Variants in OR1D2 observed in about 807,000 individuals in gnomAD.
OR1D2 encodes the protein olfactory receptor 1D2.
For missense variants in OR1D2, 357 were observed against 376.1 expected, an observed-to-expected ratio of 0.95 and a Z score of 0.42; for synonymous variants, 157 against 153.9, an observed-to-expected ratio of 1.02 and a Z score of -0.15.
intron 1 of OR1D2, among the ~76,000 whole-genome samples, chr17:3,099,357 G>T (rs2047864254): frequency 6.6e-6 from 1 of 152,142 alleles, no homozygotes; most frequent in South Asian, 2.1e-4. Context: ...ATAGAAGAGA[G>T]TGGGGGCCAA....
intron 1 of OR1D2, among the ~76,000 whole-genome samples, chr17:3,093,606 A>G (rs529950978): frequency 6.6e-6 from 1 of 152,308 alleles, no homozygotes; most frequent in South Asian, 2.1e-4. Flanking sequence ...GTGGGGGAAA[A>G]TTAAGTAGTA....
chr17:3,102,959 G>T (rs1046985968), intron 1 of OR1D2, among the ~76,000 whole-genome samples: 1 of 151,972 alleles, frequency 6.6e-6, no homozygotes, highest in Non-Finnish European at 1.5e-5. Context: ...ACCCCACTCT[G>T]TCTGTCCGGA....
In OR1D2 at chr17:3,092,691, G is replaced by T. The variant is rs140264769; in HGVS notation, c.306C>A (p.Tyr102Ter). The T allele has an allele frequency of 1.1e-5, 18 of 1,614,032 alleles. No individual in the cohort carries two copies. Among genetic ancestry groups the T allele is most frequent in the Non-Finnish European group, 1.4e-5 (16 of 1,180,036 alleles). Residue 102 changes from tyrosine (Y) to a stop codon, truncating the protein, a stop_gained, in exon 2 of 2, where the codon TAC becomes TAA. Transcript: ENST00000641833. LOFTEE classifies it low-confidence loss of function (END_TRUNC). Reference protein sequence around the residue: ...ISYAGCLTQLYFLVSLVALDN... With the variant: ...ISYAGCLTQL ...CCAGGGCCACCAAGGAGACCAGGAA[G>T]TAGAGCTGTGTCAGACACCCTGCAT...
At chr17:3,103,823 C>T (rs760327520) in intron 1 of OR1D2, among the ~76,000 whole-genome samples, 35 of 152,198 alleles carry the variant, frequency 2.3e-4, no homozygotes, top group Non-Finnish European at 3.8e-4. Flanking sequence ...GTAGGGCCCA[C>T]GACCTGCCTA....
intron 1 of OR1D2, among the ~76,000 whole-genome samples, chr17:3,094,607 T>G (rs72808828): frequency 0.061 from 9,286 of 152,052 alleles, 400 homozygotes; most frequent in Admixed American, 0.16. Context: ...CCAACAAAAT[T>G]TATGAACCAT....
chr17:3,093,050 A>G lies in OR1D2; in HGVS notation c.-50-4T>C, dbSNP rs1009148388. ...CAGCAAATGTTTACCAAAAGTCCTT[A>G]ATTGAATAAAAACATGAAGATAAGC... On this transcript the variant is annotated splice_polypyrimidine_tract_variant and splice_region_variant and intron_variant, in intron 1 of 1. Transcript: ENST00000641833. 89 of 1,502,276 alleles carry G rather than the reference A, an allele frequency of 5.9e-5. No homozygotes were observed. Among genetic ancestry groups the G allele is most frequent in the Non-Finnish European group, 8.1e-5 (89 of 1,094,786 alleles). The allele number at this position is 1,502,276 out of a possible 1,614,324, so 93.1% of individuals were successfully genotyped here.
rs146703409 is a variant in OR1D2 at position 3,091,870 on chromosome 17, G to A, written c.*188C>T. The A allele has an allele frequency of 9.7e-5, 53 of 545,064 alleles. No homozygotes were observed. The highest frequency in any genetic ancestry group is 7.9e-4 in the African/African-American group (42 of 53,046). 33.8% of individuals were successfully genotyped at this position (545,064 alleles called of 1,614,324 possible). ...TTGGTGTTAGTGTGACCTTATTTAC[G>A]GCCAAGGCTGATGAGACCTGGGGGA... On this transcript the variant is annotated 3_prime_UTR_variant, in exon 2 of 2. Transcript: ENST00000641833.
chr17:3,094,195 C>T (rs28655921), intron 1 of OR1D2, among the ~76,000 whole-genome samples: 25,495 of 151,984 alleles, frequency 0.17, 3,681 homozygotes, highest in African/African-American at 0.39. Flanking sequence ...GCAAGTAAAG[C>T]CTGCATTATT....
At chr17:3,103,449 C>T (rs1293509013) in intron 1 of OR1D2, among the ~76,000 whole-genome samples, 4 of 152,186 alleles carry the variant, frequency 2.6e-5, no homozygotes, top group African/African-American at 9.7e-5. Flanking sequence ...ATCTCCTGCA[C>T]TCATGTGCAT....
chr17:3,097,880 C>T (rs892048123), intron 1 of OR1D2, among the ~76,000 whole-genome samples: 1 of 152,170 alleles, frequency 6.6e-6, no homozygotes, highest in Non-Finnish European at 1.5e-5. Context: ...AATGTGTCCA[C>T]CACAGCCCAA....
At chr17:3,094,111 C>T (rs1487365455) in intron 1 of OR1D2, among the ~76,000 whole-genome samples, 4 of 152,186 alleles carry the variant, frequency 2.6e-5, no homozygotes, top group African/African-American at 7.2e-5. Flanking sequence ...GACACAAAAA[C>T]GTGGAATTTG....
rs2047798027 is a variant in OR1D2 at position 3,090,182 on chromosome 17, C to G, written c.*1876G>C. ...CATTTGTTTCTCTTACTAGTACTTTCAAATGACCTGTTTTTGAGTAGTGAA... is the reference window on the plus strand; with the variant it reads ...CATTTGTTTCTCTTACTAGTACTTTGAAATGACCTGTTTTTGAGTAGTGAA... On this transcript the variant is annotated 3_prime_UTR_variant, in exon 2 of 2. Transcript: ENST00000641833. The G allele has an allele frequency of 6.6e-6, 1 of 152,220 alleles. No individual in the cohort carries two copies. The highest frequency in any genetic ancestry group is 2.1e-4 in the South Asian group (1 of 4,836). The allele number at this position is 152,220 out of a possible 1,614,324, so 9.4% of individuals were successfully genotyped here. A position where few individuals can be genotyped will look rare whatever the true frequency, so the allele number is the denominator to read the frequency against.
chr17:3,104,059 G>C (rs560121664), intron 1 of OR1D2, 40 bp downstream of exon 1: 1 of 152,216 alleles, frequency 6.6e-6, no homozygotes, highest in Admixed American at 6.6e-5. Flanking sequence ...GAAGATAAGA[G>C]AGAAGAGGGA....
chr17:3,093,079 A>G, intron 1 of OR1D2, 33 bp from the exon 2 acceptor site: 1 of 1,267,964 alleles, frequency 7.9e-7, no homozygotes, highest in Non-Finnish European at 1.1e-6. Context: ...GATAAGCAAA[A>G]TCAACATTTT....
At chr17:3,101,184 C>T (rs1044799180) in intron 1 of OR1D2, among the ~76,000 whole-genome samples, 2 of 152,130 alleles carry the variant, frequency 1.3e-5, no homozygotes, top group Admixed American at 1.3e-4. Flanking sequence ...AAGCCAGCAT[C>T]ATCCTGATGC....
rs1189949178 is a variant in OR1D2, at chr17:3,091,239, ATCAC to A, written c.*815_*818del. 2.0e-5 allele frequency: 3 copies of A among 152,224 alleles called. No individual in the cohort carries two copies. The highest frequency in any genetic ancestry group is 7.2e-5 in the African/African-American group (3 of 41,450). The allele number at this position is 152,224 out of a possible 1,614,324, so 9.4% of individuals were successfully genotyped here. A position where few individuals can be genotyped will look rare whatever the true frequency, so the allele number is the denominator to read the frequency against. ...CTGTCGATTCCACCATCTTGTTGAC[ATCAC>A]TCCTTTCACCCGTTTTGAAATATCT... On this transcript the variant is annotated 3_prime_UTR_variant, in exon 2 of 2. Coordinates refer to ENST00000641833, the MANE Select transcript of OR1D2 (RefSeq NM_002548.3).
chr17:3,096,558 T>A (rs1597255050), intron 1 of OR1D2, among the ~76,000 whole-genome samples: 1 of 151,936 alleles, frequency 6.6e-6, no homozygotes, highest in Non-Finnish European at 1.5e-5. Flanking sequence ...AGGCCAAGAG[T>A]TCAAGACCAG....
chr17:3,092,505 G>T lies in OR1D2; in HGVS notation c.492C>A (p.Thr164=). ...LYGLIHTLLM[T]RVTFCGSRKI... is the part of the protein sequence containing the mutation. ...TTCGTGACCCACAGAAGGTCACTCT[G>T]GTCATGAGGAGGGTGTGTATGAGGC... Residue 164 remains threonine (T), a synonymous_variant, in exon 2 of 2, where the codon ACC becomes ACA. Coordinates refer to ENST00000641833, the MANE Select transcript of OR1D2 (RefSeq NM_002548.3). 3 of 1,614,174 alleles carry T rather than the reference G, an allele frequency of 1.9e-6. No homozygotes were observed. The highest frequency in any genetic ancestry group is 2.5e-6 in the Non-Finnish European group (3 of 1,180,046).
At chr17:3,096,163 A>C (rs1314917034) in intron 1 of OR1D2, among the ~76,000 whole-genome samples, 1 of 152,204 alleles carries the variant, frequency 6.6e-6, no homozygotes, top group Non-Finnish European at 1.5e-5. Flanking sequence ...GTGGACAAGG[A>C]AAATAGAGGA....
Sources: gnomAD v4.1 joint callset for allele counts (sites outside exome capture counted in the v4.1 genomes callset) on GRCh38, gnomAD v4.1.1 for gene constraint, MANE v1.5 for transcripts, NCBI Gene and HGNC (gene_info 2026-07-23, HGNC 2026-07-21) for gene names.